Variants in ANO3 observed in about 807,000 individuals in gnomAD.
ANO3 encodes anoctamin-3.
In ANO3, 99 loss-of-function variants were observed where a neutral mutation model predicts 144.8. The observed-to-expected ratio is 0.68, with a 90% confidence interval of 0.58 to 0.81. The LOEUF is 0.81. ANO3 is among the 30% of genes least tolerant of loss of function. The pLI, the probability that ANO3 is intolerant of heterozygous loss-of-function variation, is 0.00. For missense variants in ANO3, 905 were observed against 1,202.2 expected (o/e 0.75, Z 3.66); for synonymous variants, 414 against 392.6 (o/e 1.05, Z -0.64).
At chr11:26,364,783 A>C (rs1856019175) in intron 1 of ANO3, among the ~76,000 whole-genome samples, 1 of 152,194 alleles carries the variant, frequency 6.6e-6, no homozygotes, top group East Asian at 1.9e-4. Flanking sequence ...CACCTCTAGT[A>C]CTTGGGATTG....
At chr11:26,349,791 GC>G (rs1449592893) in intron 1 of ANO3, among the ~76,000 whole-genome samples, 1 of 151,980 alleles carries the variant, frequency 6.6e-6, no homozygotes, top group African/African-American at 2.4e-5. Context: ...CTCGTGATCC[GC>G]CCGCCTCGGC....
In ANO3 at chr11:26,602,669, T is replaced by C. The variant is rs531347083; in HGVS notation, c.1836+2955T>C. On this transcript the variant is annotated intron_variant, in intron 17 of 26. Transcript: ENST00000256737. ...CAGGAGGCTGAGGTGGGAGGGTCAG[T>C]TGAGACCAGAGGCCAAAGCTACAAT... Among the ~76,000 whole-genome samples, 9 of 150,688 alleles carry C rather than the reference T, an allele frequency of 6.0e-5. No individual in the cohort carries two copies. The South Asian group carries it at 1.7e-3, about 28-fold the overall frequency.
At chr11:26,203,960 A>G (rs1485603247) in intron 1 of ANO3, among the ~76,000 whole-genome samples, 3 of 152,134 alleles carry the variant, frequency 2.0e-5, no homozygotes, top group Non-Finnish European at 4.4e-5. Flanking sequence ...TTTCTCTCAC[A>G]GTTTTTACAA....
At chr11:26,462,969 GT>G in intron 3 of ANO3, 60 bp from the exon 4 acceptor site, 1 of 827,300 alleles carries the variant, frequency 1.2e-6, no homozygotes, top group Non-Finnish European at 1.9e-6. Context: ...AGATTAGTAT[GT>G]TTAATGAAAA....
intron 3 of ANO3, among the ~76,000 whole-genome samples, chr11:26,455,921 A>T (rs539904317): frequency 9.2e-5 from 14 of 152,040 alleles, no homozygotes; most frequent in African/African-American, 2.9e-4. Context: ...ATAATGCCAT[A>T]TATCTACAAC....
At chr11:26,577,255 A>T (rs1185803209) in intron 14 of ANO3, among the ~76,000 whole-genome samples, 1 of 152,164 alleles carries the variant, frequency 6.6e-6, no homozygotes, top group Non-Finnish European at 1.5e-5. Flanking sequence ...TAGGTATCAG[A>T]TTTTTTTTAA....
At chr11:26,303,263 T>C (rs1007515602) in intron 1 of ANO3, among the ~76,000 whole-genome samples, 2 of 152,154 alleles carry the variant, frequency 1.3e-5, no homozygotes, top group African/African-American at 4.8e-5. Flanking sequence ...CACAGCGCTA[T>C]TGACAATGGA....
At chr11:26,329,739 G>T (rs927480444), upstream of ANO3, among the ~76,000 whole-genome samples, 1 of 152,042 alleles carries the variant, frequency 6.6e-6, no homozygotes, top group African/African-American at 2.4e-5. Flanking sequence ...AGAAAATCAG[G>T]GATCAACAGA....
intron 1 of ANO3, among the ~76,000 whole-genome samples, chr11:26,272,655 G>A (rs556410468): frequency 6.6e-6 from 1 of 152,282 alleles, no homozygotes; most frequent in African/African-American, 2.4e-5. Flanking sequence ...AGGAGAAGCA[G>A]CTTCTGCCAA....
At chr11:26,218,225 C>T (rs1381614429) in intron 1 of ANO3, among the ~76,000 whole-genome samples, 1 of 152,008 alleles carries the variant, frequency 6.6e-6, no homozygotes, top group Non-Finnish European at 1.5e-5. Flanking sequence ...CCCTATCGCA[C>T]CCAGTTCTGA....
chr11:26,208,658 TTGAA>T (rs1332335851), intron 1 of ANO3, among the ~76,000 whole-genome samples: 1 of 152,162 alleles, frequency 6.6e-6, no homozygotes, highest in East Asian at 1.9e-4. Context: ...CCTCAGGGAA[TTGAA>T]TGATTCATGA....
At chr11:26,636,730 C>T (rs750086831) in intron 20 of ANO3, among the ~76,000 whole-genome samples, 2 of 152,170 alleles carry the variant, frequency 1.3e-5, no homozygotes, top group South Asian at 4.1e-4. Context: ...AGTAGGATGG[C>T]GTGTAGGTAT....
intron 3 of ANO3, among the ~76,000 whole-genome samples, chr11:26,459,430 GC>G (rs1447091744): frequency 6.6e-6 from 1 of 152,020 alleles, no homozygotes; most frequent in Non-Finnish European, 1.5e-5. Flanking sequence ...TAAATGATCA[GC>G]TTTGAGCTAT....
rs1857987014 is a variant in ANO3 at position 26,428,573 on chromosome 11, T to A, written c.47-13345T>A. Among the ~76,000 whole-genome samples the A allele has an allele frequency of 2.0e-5, 3 of 152,172 alleles. No individual in the cohort carries two copies. The South Asian group carries it at 6.2e-4, about 32-fold the overall frequency. On this transcript the variant is annotated intron_variant, in intron 1 of 26. Transcript: ENST00000256737. ...ACTGTTTGTTCTTCAGGTATTGATA[T>A]CATATGAAAATAGTTTTCATCATGT...
chr11:26,203,129 G>A (rs1851730325), intron 1 of ANO3, among the ~76,000 whole-genome samples: 1 of 152,098 alleles, frequency 6.6e-6, no homozygotes, highest in African/African-American at 2.4e-5. Flanking sequence ...GGTTCAAGCT[G>A]TGCTATTGAT....
At chr11:26,615,093 GA>G (rs919385978) in intron 17 of ANO3, among the ~76,000 whole-genome samples, 4 of 149,938 alleles carry the variant, frequency 2.7e-5, no homozygotes, top group South Asian at 2.1e-4. Flanking sequence ...TTTATAATCA[GA>G]AAAAAACTCT....
At chr11:26,252,288 A>G (rs1852945891) in intron 1 of ANO3, among the ~76,000 whole-genome samples, 1 of 152,236 alleles carries the variant, frequency 6.6e-6, no homozygotes, top group Non-Finnish European at 1.5e-5. Context: ...TCCTAGTGAT[A>G]CTGTCATGCT....
intron 6 of ANO3, among the ~76,000 whole-genome samples, chr11:26,520,003 G>A (rs186322283): frequency 3.9e-5 from 6 of 152,192 alleles, no homozygotes; most frequent in East Asian, 3.9e-4. Context: ...GTCAGAGCAC[G>A]TTTGGCCTCT....
At chr11:26,365,052 G>T (rs977184695) in intron 1 of ANO3, among the ~76,000 whole-genome samples, 2 of 152,192 alleles carry the variant, frequency 1.3e-5, no homozygotes, top group Admixed American at 1.3e-4. Context: ...GGGGGTATTG[G>T]CATTGGTAAA....
Sources: gnomAD v4.1 joint callset for allele counts (sites outside exome capture counted in the v4.1 genomes callset) on GRCh38, gnomAD v4.1.1 for gene constraint, MANE v1.5 for transcripts, NCBI Gene and HGNC (gene_info 2026-07-23, HGNC 2026-07-21) for gene names.